PRMT7: variants seen among roughly 807,000 people sequenced by gnomAD.
The protein encoded by PRMT7 is protein arginine methyltransferase 7, also known as protein arginine N-methyltransferase 7.
In PRMT7, 75 loss-of-function variants were observed where a neutral mutation model predicts 85.4. That is an observed-to-expected ratio of 0.88 (90% CI 0.73 to 1.06). PRMT7 has a LOEUF of 1.06. Ranked by LOEUF, PRMT7 falls within the 50% of genes least tolerant of loss-of-function variation. The pLI, the probability that PRMT7 is intolerant of heterozygous loss-of-function variation, is 0.00. For synonymous variants in PRMT7, 397 were observed against 359.5 expected (o/e 1.10, Z -1.18); for missense variants, 868 against 915.2 (o/e 0.95, Z 0.67).
At chr16:68,359,032 C>G (rs1469844478), downstream of PRMT7, 2 of 152,660 alleles carry the variant, frequency 1.3e-5, no homozygotes, top group Non-Finnish European at 2.9e-5. Context: ...AAATGACTTG[C>G]CTAAGGCCGC....
At chr16:68,346,365 G>A (rs1177740914) in intron 11 of PRMT7, 85 bp downstream of exon 11, 1 of 1,584,512 alleles carries the variant, frequency 6.3e-7, no homozygotes, top group Non-Finnish European at 8.6e-7. Flanking sequence ...CTTATGATTT[G>A]CTGTTTCTTT....
At chr16:68,331,001 G>A (rs1213692977) in intron 6 of PRMT7, among the ~76,000 whole-genome samples, 1 of 152,090 alleles carries the variant, frequency 6.6e-6, no homozygotes, top group Non-Finnish European at 1.5e-5. Flanking sequence ...TTTTCATTAT[G>A]GATATTTGAC....
rs1875128393 is a variant in PRMT7 at position 68,358,092 on chromosome 16, C to G, written c.*868C>G. The G allele has an allele frequency of 6.6e-6, 1 of 152,312 alleles. No individual in the cohort carries two copies. Among genetic ancestry groups the G allele is most frequent in the South Asian group, 2.1e-4 (1 of 4,840 alleles). The allele number at this position is 152,312 out of a possible 1,614,324, so 9.4% of individuals were successfully genotyped here. A position where few individuals can be genotyped will look rare whatever the true frequency, so the allele number is the denominator to read the frequency against. ...GTTATGTCCCAGCTCTCAGAGGTAA[C>G]AGCAGACACCACGTGAGAGAACCCA... is the stretch of plus-strand genomic sequence containing the variant. On this transcript the variant is annotated 3_prime_UTR_variant, in exon 19 of 19. Transcript: ENST00000441236.
chr16:68,321,862 A>G (rs982597100), intron 4 of PRMT7, among the ~76,000 whole-genome samples: 9 of 152,118 alleles, frequency 5.9e-5, no homozygotes, highest in African/African-American at 1.9e-4. Flanking sequence ...GCCGTACAGC[A>G]GATCTCCACA....
At chr16:68,317,853 AC>A (rs11299511) in intron 3 of PRMT7, among the ~76,000 whole-genome samples, 117,015 of 150,234 alleles carry the variant, frequency 0.78, 46,383 homozygotes, top group African/African-American at 0.94. Context: ...AAGAAAAAAA[AC>A]CACACACACA....
intron 5 of PRMT7, chr16:68,328,133 T>C (rs916167428): frequency 1.2e-5 from 4 of 325,424 alleles, no homozygotes; most frequent in Non-Finnish European, 2.7e-5. Context: ...GCAGCTCCAC[T>C]GTGAATGCTA....
intron 12 of PRMT7, 41 bp downstream of exon 12, chr16:68,347,335 G>A (rs931977606): frequency 6.7e-7 from 1 of 1,501,358 alleles, no homozygotes; most frequent in South Asian, 1.2e-5. Flanking sequence ...ATGTGGGCTT[G>A]TGAGTTAGAG....
chr16:68,328,161 C>A, intron 5 of PRMT7: 1 of 294,684 alleles, frequency 3.4e-6, no homozygotes, highest in South Asian at 2.6e-5. Flanking sequence ...ACGCTGACTT[C>A]TGACCAACCC....
Position 68,311,313 on chromosome 16 carries a change from C to G in PRMT7, c.-219+214C>G, listed in dbSNP as rs960921665. The G allele has an allele frequency of 1.2e-5, 4 of 324,990 alleles. No individual in the cohort carries two copies. In the Admixed American group the frequency reaches 1.9e-4, roughly 16 times the overall value. The allele number at this position is 324,990 out of a possible 1,614,324, so 20.1% of individuals were successfully genotyped here. On this transcript the variant is annotated intron_variant, in intron 1 of 18. Transcript: ENST00000441236. The stretch of plus-strand genomic sequence containing the variant: ...AGTGCAGCCGGGTGCCTGCCACTCG[C>G]GGGGCTCTGTCGCAGTACTCGTGCC...
intron 6 of PRMT7, among the ~76,000 whole-genome samples, chr16:68,332,564 A>G (rs967803671): frequency 6.6e-6 from 1 of 151,998 alleles, no homozygotes; most frequent in South Asian, 2.1e-4. Flanking sequence ...CACTCATGCA[A>G]CCTTTGCTCG....
rs377167753 is a variant in PRMT7 at position 68,339,456 on chromosome 16, C to T, written c.639C>T (p.Pro213=). The T allele has an allele frequency of 5.4e-5, 87 of 1,614,104 alleles. No homozygotes were observed. Among genetic ancestry groups the T allele is most frequent in the East Asian group, 8.9e-5 (4 of 44,888 alleles). Reference sequence around the variant, plus strand: ...TCGGAGAGCAGGTCATCGTCCCTCCCGTTGACGTGGAGAGCTGCCCTGGCG... The same window carrying T: ...TCGGAGAGCAGGTCATCGTCCCTCCTGTTGACGTGGAGAGCTGCCCTGGCG... The part of the protein sequence containing the change: ...TSLGEQVIVP[P]VDVESCPGAP... The change falls in exon 8 of 19, where the codon CCC becomes CCT. Residue 213 remains proline (P), a synonymous_variant. Coordinates refer to ENST00000441236, the MANE Select transcript of PRMT7 (RefSeq NM_019023.5).
chr16:68,347,926 T>C (rs752945834), intron 13 of PRMT7, among the ~76,000 whole-genome samples: 2 of 152,222 alleles, frequency 1.3e-5, no homozygotes, highest in Non-Finnish European at 1.5e-5. Context: ...TCACTTCACA[T>C]AAGCTACTGT....
In PRMT7 at chr16:68,357,061, G is replaced by C; in HGVS notation, c.1916G>C (p.Cys639Ser). 2 of 1,607,116 alleles carry C rather than the reference G, an allele frequency of 1.2e-6. No homozygotes were observed. The highest frequency in any genetic ancestry group is 1.7e-6 in the Non-Finnish European group (2 of 1,176,452). ...CTGCTCTTCTTCCTACAGGGGGGCT[G>C]CTGCTGGAACCCCCACTGCAAGCAG... ...LLEPADPEGG[C>S]CWNPHCKQAV... The change falls in exon 19 of 19, where the codon TGC becomes TCC. Residue 639 changes from cysteine (C) to serine (S), a missense_variant. Cys to Ser is a moderately radical substitution (Grantham distance 112). Transcript: ENST00000441236.
chr16:68,320,122 A>AG (rs1328717152), intron 3 of PRMT7, among the ~76,000 whole-genome samples: 2 of 152,136 alleles, frequency 1.3e-5, no homozygotes, highest in Non-Finnish European at 2.9e-5. Context: ...GCAGAGATGT[A>AG]GGCCAGGTTA....
intron 6 of PRMT7, among the ~76,000 whole-genome samples, chr16:68,336,073 G>A (rs1469725758): frequency 6.6e-6 from 1 of 152,164 alleles, no homozygotes; most frequent in East Asian, 1.9e-4. Context: ...CACCGCGCCC[G>A]GCCCCTGTCA....
At chr16:68,355,585 TCTG>T in intron 16 of PRMT7, 135 bp from the exon 17 acceptor site, 2 of 907,200 alleles carry the variant, frequency 2.2e-6, no homozygotes, top group East Asian at 3.2e-5. Context: ...GCGCCGCTGG[TCTG>T]CTGGGCGCTC....
chr16:68,349,475 C>A (rs1439543881), intron 14 of PRMT7, among the ~76,000 whole-genome samples: 1 of 152,134 alleles, frequency 6.6e-6, no homozygotes, highest in Non-Finnish European at 1.5e-5. Flanking sequence ...TCCTGCCAGT[C>A]TTTTTTTAAA....
chr16:68,346,156 A>G lies in PRMT7; in HGVS notation c.1067A>G (p.Asn356Ser). The G allele has an allele frequency of 6.2e-7, 1 of 1,613,888 alleles. No individual in the cohort carries two copies. The highest frequency in any genetic ancestry group is 8.5e-7 in the Non-Finnish European group (1 of 1,180,026). The change falls in exon 11 of 19, where the codon AAT becomes AGT. Residue 356 changes from asparagine to serine, a missense_variant. By Grantham distance (46) the Asn-to-Ser change is conservative. Coordinates refer to ENST00000441236, the MANE Select transcript of PRMT7 (RefSeq NM_019023.5). ...YSLQRTSPEK[N>S]ERVRQMRPVC... ...ATCTCCTGGCCTAGCCCTGAAAAGA[A>G]TGAGAGAGTCCGCCAGATGCGCCCC...
At chr16:68,312,203 A>ATT (rs1191540605) in intron 2 of PRMT7, 27 bp downstream of exon 2, 4 of 91,942 alleles carry the variant, frequency 4.4e-5, no homozygotes, top group African/African-American at 1.0e-4. Flanking sequence ...ATATATGTAT[A>ATT]TTTATATATA....
Sources: allele counts gnomAD v4.1 joint callset (sites outside exome capture counted in the v4.1 genomes callset), GRCh38; gene constraint gnomAD v4.1.1; transcripts MANE v1.5; gene names NCBI Gene and HGNC (gene_info 2026-07-23, HGNC 2026-07-21).